RPA1: variants seen among roughly 807,000 people sequenced by gnomAD.
RPA1 encodes the protein replication protein A1.
A neutral mutation model predicts 83.0 loss-of-function variants in RPA1; 49 were observed. That is an observed-to-expected ratio of 0.59 (90% CI 0.47 to 0.75). The LOEUF is 0.75. RPA1 is among the 30% of genes least tolerant of loss of function. RPA1 has a pLI of 0.00. For synonymous variants in RPA1, 279 were observed against 281.8 expected (o/e 0.99, Z 0.10); for missense variants, 693 against 776.1 (o/e 0.89, Z 1.27).
intron 10 of RPA1, 28 bp from the exon 11 acceptor site, chr17:1,879,532 C>T (rs761404192): frequency 3.1e-6 from 5 of 1,614,024 alleles, no homozygotes; most frequent in Non-Finnish European, 4.2e-6. Context: ...TCTTGACCAC[C>T]TCCTGCTAAC....
At chr17:1,861,960 C>T (rs1383727644) in intron 5 of RPA1, among the ~76,000 whole-genome samples, 1 of 151,754 alleles carries the variant, frequency 6.6e-6, no homozygotes, top group African/African-American at 2.4e-5. Context: ...AGTGCAGTGG[C>T]GCGGTCTCGG....
rs75329107 is a variant in RPA1, at chr17:1,855,614, G to T, written c.361+2425G>T. ...GATCTGATTTACTTTGTTTAGAATT[G>T]TTGTATCGGTATTCACGAGAGATAT... is the stretch of plus-strand genomic sequence containing the variant. On this transcript the variant is annotated intron_variant, in intron 5 of 16. Transcript: ENST00000254719. Among the ~76,000 whole-genome samples, 918 of 152,220 alleles carry T rather than the reference G, an allele frequency of 6.0e-3. 11 individuals are homozygous for T. The highest frequency in any genetic ancestry group is 0.021 in the African/African-American group (872 of 41,526).
intron 4 of RPA1, among the ~76,000 whole-genome samples, chr17:1,851,116 A>G (rs1007080103): frequency 7.2e-5 from 11 of 152,132 alleles, no homozygotes; most frequent in African/African-American, 2.4e-4. Flanking sequence ...TTTTGAGGTA[A>G]ATCTCAGACA....
chr17:1,858,018 G>C, intron 5 of RPA1: 1 of 1,607,536 alleles, frequency 6.2e-7, no homozygotes, highest in Non-Finnish European at 8.5e-7. Context: ...GTAGGAAGAT[G>C]ATGCTGGGAG....
chr17:1,889,428 C>T (rs1359801171), intron 14 of RPA1, among the ~76,000 whole-genome samples: 3 of 151,886 alleles, frequency 2.0e-5, no homozygotes, highest in South Asian at 2.1e-4. Flanking sequence ...CCCAACCTCC[C>T]GGGCTTAAGC....
intron 16 of RPA1, among the ~76,000 whole-genome samples, chr17:1,895,832 G>A (rs948012483): frequency 2.6e-5 from 4 of 151,814 alleles, no homozygotes; most frequent in African/African-American, 9.7e-5. Flanking sequence ...ACAGGCGCCC[G>A]CCACCATGCC....
rs71150827 is a variant in RPA1 at position 1,862,717 on chromosome 17, C to CTTTTT, written c.361+9546_361+9550dup. ...TATTGGCGTGAGTCACTGTGCCCAG[C>CTTTTT]TTTTTTTTTTTTTTTTTTTTTTGAG... On this transcript the variant is annotated intron_variant, in intron 5 of 16. Coordinates refer to ENST00000254719, the MANE Select transcript of RPA1 (RefSeq NM_002945.5). Among the ~76,000 whole-genome samples the CTTTTT allele has an allele frequency of 4.2e-4, 22 of 51,784 alleles. 1 individual carries two copies. The highest frequency in any genetic ancestry group is 0.023 in the Middle Eastern group (1 of 44). The allele number at this position is 51,784 out of a possible 152,430, so 34.0% of individuals were successfully genotyped here. A position where few individuals can be genotyped will look rare whatever the true frequency, so the allele number is the denominator to read the frequency against.
chr17:1,895,067 G>T lies in RPA1; in HGVS notation c.1718G>T (p.Arg573Ile), dbSNP rs1193132739. 1 of 1,613,532 alleles carries T rather than the reference G, an allele frequency of 6.2e-7. No homozygotes were observed. Among genetic ancestry groups the T allele is most frequent in the Non-Finnish European group, 8.5e-7 (1 of 1,179,748 alleles). Residue 573 changes from arginine (R) to isoleucine (I), a missense_variant, in exon 16 of 17, where the codon AGA becomes ATA. Arg to Ile is a moderately conservative substitution (Grantham distance 97). Coordinates refer to ENST00000254719, the MANE Select transcript of RPA1 (RefSeq NM_002945.5). ...GCCAACTTCCGATCTTTCATATTCAGAGTCAGGGTCAAAGTGGAGACCTAC... is the reference window on the plus strand; with the variant it reads ...GCCAACTTCCGATCTTTCATATTCATAGTCAGGGTCAAAGTGGAGACCTAC... ...QNANFRSFIF[R>I]VRVKVETYND...
chr17:1,855,611 ATTG>A (rs1912664188), intron 5 of RPA1, among the ~76,000 whole-genome samples: 1 of 152,108 alleles, frequency 6.6e-6, no homozygotes, highest in South Asian at 2.1e-4. Context: ...TTTGTTTAGA[ATTG>A]TTGTATCGGT....
At chr17:1,876,960 G>A (rs1485535716) in intron 7 of RPA1, among the ~76,000 whole-genome samples, 7 of 152,192 alleles carry the variant, frequency 4.6e-5, no homozygotes, top group Non-Finnish European at 4.4e-5. Flanking sequence ...TTTGGAGAAG[G>A]GAGAGAGTTT....
chr17:1,841,146 T>C (rs2151269750), intron 1 of RPA1, among the ~76,000 whole-genome samples: 1 of 152,344 alleles, frequency 6.6e-6, no homozygotes, highest in East Asian at 1.9e-4. Context: ...AGTTGTTTAT[T>C]GCTAGTATAT....
intron 1 of RPA1, among the ~76,000 whole-genome samples, chr17:1,836,375 G>C (rs1401109191): frequency 6.6e-6 from 1 of 152,126 alleles, no homozygotes; most frequent in African/African-American, 2.4e-5. Context: ...CTTCCAAAGT[G>C]CTGGGATTAC....
At chr17:1,861,587 T>C (rs971542231) in intron 5 of RPA1, among the ~76,000 whole-genome samples, 1 of 152,228 alleles carries the variant, frequency 6.6e-6, no homozygotes, top group South Asian at 2.1e-4. Context: ...ACAGTCTGTT[T>C]CAAATCTCAC....
intron 11 of RPA1, among the ~76,000 whole-genome samples, chr17:1,880,269 T>C (rs1462347364): frequency 6.6e-6 from 1 of 152,154 alleles, no homozygotes; most frequent in Non-Finnish European, 1.5e-5. Context: ...TTGTGCTGTC[T>C]GGTAAGTATT....
intron 1 of RPA1, chr17:1,830,695 T>C (rs1055601323): frequency 1.3e-5 from 2 of 152,294 alleles, no homozygotes; most frequent in Admixed American, 6.5e-5. Flanking sequence ...CCCCGTCTTA[T>C]TTGTAAGTCC....
rs780490640 is a variant in RPA1 at position 1,875,838 on chromosome 17, G to A, written c.587+45G>A. 8.9e-6 allele frequency: 14 copies of A among 1,570,446 alleles called. No homozygotes were observed. The East Asian group carries it at 1.2e-4, about 13-fold the overall frequency. On this transcript the variant is annotated intron_variant, in intron 7 of 16. Transcript: ENST00000254719. ...AAGTTCAGAGTGTACTTATGAAATC[G>A]GAGAAGCTATTATGGACTCTTGAGT...
intron 1 of RPA1, among the ~76,000 whole-genome samples, chr17:1,837,116 G>A (rs1911855663): frequency 6.6e-6 from 1 of 151,988 alleles, no homozygotes; most frequent in South Asian, 2.1e-4. Context: ...GATTACAGGT[G>A]TGAGCCACCA....
intron 4 of RPA1, among the ~76,000 whole-genome samples, chr17:1,845,581 T>G (rs1912225329): frequency 6.6e-6 from 1 of 152,124 alleles, no homozygotes; most frequent in Non-Finnish European, 1.5e-5. Context: ...ACGGACAAGT[T>G]ACTGCATGCT....
At chr17:1,858,269 C>T (rs1446071897) in intron 5 of RPA1, 3 of 1,612,536 alleles carry the variant, frequency 1.9e-6, no homozygotes, top group Non-Finnish European at 2.5e-6. Context: ...TCAAAGTTCC[C>T]AGGGAGTAAC....
Sources: allele counts gnomAD v4.1 joint callset (sites outside exome capture counted in the v4.1 genomes callset), GRCh38; gene constraint gnomAD v4.1.1; transcripts MANE v1.5; gene names NCBI Gene and HGNC (gene_info 2026-07-23, HGNC 2026-07-21).